The following COL19A1 variants were observed in gnomAD, a reference collection of about 807,000 sequenced individuals.
The protein encoded by COL19A1 is collagen type XIX alpha 1 chain, also known as collagen alpha-1(XIX) chain.
Under a neutral mutation model 190.2 loss-of-function variants are expected in COL19A1, and 159 were observed. That is an observed-to-expected ratio of 0.84 (90% CI 0.73 to 0.95). The LOEUF is 0.95. COL19A1 is among the 40% of genes least tolerant of loss of function. The probability of loss-of-function intolerance (pLI) is 0.00; values close to 1 mark genes in which losing one functional copy is unlikely to be tolerated. For missense variants in COL19A1, 1,418 were observed against 1,431.9 expected, an observed-to-expected ratio of 0.99 and a Z score of 0.16; for synonymous variants, 509 against 458.9, an observed-to-expected ratio of 1.11 and a Z score of -1.39.
At chr6:69,896,666 A>G (rs1196271978) in intron 2 of COL19A1, among the ~76,000 whole-genome samples, 1 of 151,726 alleles carries the variant, frequency 6.6e-6, no homozygotes, top group African/African-American at 2.4e-5. Flanking sequence ...AACACTTGGC[A>G]TCTTCAGTGC....
At chr6:70,055,190 A>G (rs1780420801) in intron 14 of COL19A1, among the ~76,000 whole-genome samples, 1 of 152,204 alleles carries the variant, frequency 6.6e-6, no homozygotes, top group Non-Finnish European at 1.5e-5. Flanking sequence ...TTTCGCTTAT[A>G]AGATTGGAAG....
chr6:69,947,947 A>G (rs1009769106), intron 9 of COL19A1, among the ~76,000 whole-genome samples: 1 of 151,906 alleles, frequency 6.6e-6, no homozygotes, highest in African/African-American at 2.4e-5. Flanking sequence ...ATCTTCTTGT[A>G]TAAGCTTACT....
At chr6:70,075,437 A>G (rs562963170) in intron 15 of COL19A1, among the ~76,000 whole-genome samples, 11 of 152,344 alleles carry the variant, frequency 7.2e-5, no homozygotes, top group African/African-American at 1.9e-4. Flanking sequence ...AAAGGGGGAA[A>G]GGCTAATATA....
intron 4 of COL19A1, among the ~76,000 whole-genome samples, chr6:69,921,298 A>G (rs1203822296): frequency 2.3e-5 from 3 of 132,012 alleles, no homozygotes; most frequent in Non-Finnish European, 3.1e-5. Flanking sequence ...TATCATATAT[A>G]TCATATATCA....
intron 7 of COL19A1, among the ~76,000 whole-genome samples, 180 bp downstream of exon 7, chr6:69,933,043 A>G (rs564067020): frequency 6.6e-6 from 1 of 152,206 alleles, no homozygotes; most frequent in East Asian, 1.9e-4. Flanking sequence ...AACAGTTTTA[A>G]TCCCAGCATT....
At chr6:69,941,811 C>A (rs1773485548) in intron 9 of COL19A1, among the ~76,000 whole-genome samples, 1 of 151,970 alleles carries the variant, frequency 6.6e-6, no homozygotes, top group South Asian at 2.1e-4. Context: ...GCCTCAGCCT[C>A]CTGAGTAGTT....
chr6:69,871,560 G>C (rs939506352), intron 1 of COL19A1, among the ~76,000 whole-genome samples: 1 of 152,142 alleles, frequency 6.6e-6, no homozygotes, highest in East Asian at 1.9e-4. Context: ...GCAAATAAGT[G>C]TTCTCTTTCT....
intron 11 of COL19A1, among the ~76,000 whole-genome samples, chr6:69,966,035 AT>A (rs1775070978): frequency 6.6e-6 from 1 of 152,230 alleles, no homozygotes; most frequent in South Asian, 2.1e-4. Flanking sequence ...GATAACAGTT[AT>A]CCCCATACTA....
rs765228134 is a variant in COL19A1, at chr6:70,184,752, G to A, written c.2811+14G>A. The A allele has an allele frequency of 6.2e-7, 1 of 1,603,240 alleles. No homozygotes were observed. The highest frequency in any genetic ancestry group is 8.5e-7 in the Non-Finnish European group (1 of 1,171,920). Reference sequence around the variant, plus strand: ...CCAGGTGCTCAGGTATGGGAAATATGATTTAAAATAAAAGTTATAATGCAT... The same window carrying A: ...CCAGGTGCTCAGGTATGGGAAATATAATTTAAAATAAAAGTTATAATGCAT... On this transcript the variant is annotated intron_variant, in intron 45 of 50. Transcript: ENST00000620364.
At chr6:70,026,177 A>G (rs1215355806) in intron 12 of COL19A1, among the ~76,000 whole-genome samples, 1 of 152,250 alleles carries the variant, frequency 6.6e-6, no homozygotes, top group Non-Finnish European at 1.5e-5. Context: ...ATATATTCAC[A>G]TTAATTTCAA....
At chr6:70,106,662 G>A (rs906584912) in intron 16 of COL19A1, among the ~76,000 whole-genome samples, 4 of 152,150 alleles carry the variant, frequency 2.6e-5, no homozygotes, top group Non-Finnish European at 1.5e-5. Context: ...AACAGAGCTA[G>A]CTACAATGTA....
chr6:70,195,673 A>G (rs527831765), intron 48 of COL19A1, among the ~76,000 whole-genome samples: 1 of 152,354 alleles, frequency 6.6e-6, no homozygotes, highest in East Asian at 1.9e-4. Flanking sequence ...CTACTAAAAC[A>G]GGCTTTCAAT....
chr6:69,974,806 CTTTTTTTTT>C (rs35518948), intron 11 of COL19A1, among the ~76,000 whole-genome samples: 1 of 93,046 alleles, frequency 1.1e-5, no homozygotes, highest in Admixed American at 1.3e-4. Context: ...AGACAGCTTC[CTTTTTTTTT>C]TTTTTTTTTT....
At chr6:70,079,090 G>T (rs1782077156) in intron 15 of COL19A1, among the ~76,000 whole-genome samples, 1 of 152,052 alleles carries the variant, frequency 6.6e-6, no homozygotes, top group Admixed American at 6.6e-5. Flanking sequence ...TATTCTTGTA[G>T]TCTAATCAAT....
Position 70,211,224 on chromosome 6 carries a change from GT to G in COL19A1, c.*3958del, listed in dbSNP as rs796427259. On this transcript the variant is annotated 3_prime_UTR_variant, in exon 51 of 51. Transcript: ENST00000620364. ...TTACAAAAGTACAATTAGAAACACT[GT>G]TTTTTTTAAGTACCGTTTTTATTTT... Among the ~76,000 whole-genome samples, 20 of 151,654 alleles carry G rather than the reference GT, an allele frequency of 1.3e-4. No individual in the cohort carries two copies. The highest frequency in any genetic ancestry group is 2.7e-4 in the African/African-American group (11 of 41,266).
At chr6:69,868,135 A>G (rs1767591065) in intron 1 of COL19A1, among the ~76,000 whole-genome samples, 1 of 151,712 alleles carries the variant, frequency 6.6e-6, no homozygotes, top group Non-Finnish European at 1.5e-5. Flanking sequence ...CAAAAAGGAG[A>G]GAACACCAAT....
chr6:70,066,572 A>C (rs560306792), intron 14 of COL19A1, among the ~76,000 whole-genome samples: 9 of 152,204 alleles, frequency 5.9e-5, no homozygotes, highest in East Asian at 1.9e-4. Context: ...CGTTGTGCAC[A>C]TGTACCCTAG....
chr6:69,895,339 GT>G (rs1203768631), intron 2 of COL19A1, among the ~76,000 whole-genome samples: 1 of 152,220 alleles, frequency 6.6e-6, no homozygotes, highest in Non-Finnish European at 1.5e-5. Context: ...ACAGTGAGAG[GT>G]TTTGTGTTCT....
At chr6:70,054,896 G>A (rs1047989566) in intron 14 of COL19A1, among the ~76,000 whole-genome samples, 1 of 151,938 alleles carries the variant, frequency 6.6e-6, no homozygotes, top group African/African-American at 2.4e-5. Context: ...TAAACTGGAG[G>A]TATAAATAGA....
Sources: gnomAD v4.1 joint callset for allele counts (sites outside exome capture counted in the v4.1 genomes callset) on GRCh38, gnomAD v4.1.1 for gene constraint, MANE v1.5 for transcripts, NCBI Gene and HGNC (gene_info 2026-07-23, HGNC 2026-07-21) for gene names.